PGM5: variants seen among roughly 807,000 people sequenced by gnomAD.
PGM5 encodes the protein phosphoglucomutase 5, also known as phosphoglucomutase-like protein 5.
A neutral mutation model predicts 59.2 loss-of-function variants in PGM5; 23 were observed. That is an observed-to-expected ratio of 0.39 (90% CI 0.28 to 0.55). The LOEUF (loss-of-function observed/expected upper bound fraction) is 0.55, where lower values mean the gene tolerates loss of function less well. PGM5 is among the 20% of genes least tolerant of loss of function. The pLI, the probability that PGM5 is intolerant of heterozygous loss-of-function variation, is 0.66. For synonymous variants in PGM5, 214 were observed against 286.0 expected (o/e 0.75, Z 2.54); for missense variants, 574 against 748.3 (o/e 0.77, Z 2.72).
intron 3 of PGM5, among the ~76,000 whole-genome samples, chr9:68,384,948 A>G (rs1269522740): frequency 6.6e-6 from 1 of 151,804 alleles, no homozygotes; most frequent in Non-Finnish European, 1.5e-5. Context: ...TTTCCAAGCC[A>G]TAACCAAGCT....
intron 6 of PGM5, among the ~76,000 whole-genome samples, chr9:68,438,622 GA>G (rs1339617908): frequency 6.6e-6 from 1 of 152,196 alleles, no homozygotes; most frequent in Non-Finnish European, 1.5e-5. Context: ...GCTATTTGAG[GA>G]CTCTGAAAAA....
intron 6 of PGM5, among the ~76,000 whole-genome samples, chr9:68,446,216 G>T (rs782409343): frequency 6.6e-6 from 1 of 152,196 alleles, no homozygotes; most frequent in Non-Finnish European, 1.5e-5. Context: ...TACATCCAAG[G>T]AAACCAGTTG....
chr9:68,522,422 C>T (rs1161384299), intron 10 of PGM5, among the ~76,000 whole-genome samples: 1 of 152,112 alleles, frequency 6.6e-6, no homozygotes, highest in Non-Finnish European at 1.5e-5. Context: ...GAGAAGGACC[C>T]ACCAACAAGT....
chr9:68,461,586 AT>A (rs1823859722), intron 6 of PGM5, among the ~76,000 whole-genome samples: 1 of 152,150 alleles, frequency 6.6e-6, no homozygotes, highest in Admixed American at 6.6e-5. Context: ...CTCCTTCCTC[AT>A]TAATGGCATT....
chr9:68,440,107 C>T (rs1178037227), intron 6 of PGM5, among the ~76,000 whole-genome samples: 2 of 152,126 alleles, frequency 1.3e-5, no homozygotes, highest in Non-Finnish European at 2.9e-5. Context: ...GAGAAATAGA[C>T]AAATCCATAA....
At chr9:68,414,101 C>CCT (rs1214391727) in intron 6 of PGM5, among the ~76,000 whole-genome samples, 2 of 152,192 alleles carry the variant, frequency 1.3e-5, no homozygotes, top group Non-Finnish European at 2.9e-5. Context: ...CTTCTTGCTT[C>CCT]CTCTCTCTCC....
chr9:68,387,115 A>C (rs1313416743), intron 3 of PGM5, among the ~76,000 whole-genome samples: 1 of 151,916 alleles, frequency 6.6e-6, no homozygotes, highest in Non-Finnish European at 1.5e-5. Context: ...CTAAACATTG[A>C]GATGTGTGCT....
intron 9 of PGM5, among the ~76,000 whole-genome samples, chr9:68,489,851 G>A (rs1824361163): frequency 6.6e-6 from 1 of 152,140 alleles, no homozygotes; most frequent in Non-Finnish European, 1.5e-5. Context: ...TACCAGTTAG[G>A]TGATGTGGAA....
chr9:68,400,397 G>T (rs1587793659), intron 6 of PGM5, among the ~76,000 whole-genome samples: 1 of 152,134 alleles, frequency 6.6e-6, no homozygotes, highest in South Asian at 2.1e-4. Flanking sequence ...CTGTGCCTTT[G>T]CATGCACTTC....
At chr9:68,397,740 T>C (rs1297715381) in intron 6 of PGM5, 1 of 152,160 alleles carries the variant, frequency 6.6e-6, no homozygotes, top group Admixed American at 6.5e-5. Context: ...TACTCATTGG[T>C]GGGCATCGAG....
At chr9:68,425,152 C>A (rs187350277) in intron 6 of PGM5, among the ~76,000 whole-genome samples, 22 of 152,088 alleles carry the variant, frequency 1.4e-4, no homozygotes, top group Admixed American at 1.2e-3. Context: ...TTTTACTGTT[C>A]CTTGGCAAGC....
At chr9:68,418,983 C>A (rs74943233) in intron 6 of PGM5, among the ~76,000 whole-genome samples, 3 of 152,068 alleles carry the variant, frequency 2.0e-5, no homozygotes, top group African/African-American at 7.3e-5. Flanking sequence ...TCAGGTGGCC[C>A]GTTTCAAAAT....
At chr9:68,458,302 G>A (rs1045335105) in intron 6 of PGM5, among the ~76,000 whole-genome samples, 4 of 152,152 alleles carry the variant, frequency 2.6e-5, no homozygotes, top group Non-Finnish European at 4.4e-5. Context: ...TAACTGGGAA[G>A]AGTCCTCTTC....
intron 6 of PGM5, among the ~76,000 whole-genome samples, chr9:68,420,807 C>G (rs533485779): frequency 6.6e-6 from 1 of 152,244 alleles, no homozygotes; most frequent in African/African-American, 2.4e-5. Context: ...ATTTGGATAC[C>G]TTAATCTCTC....
intron 6 of PGM5, among the ~76,000 whole-genome samples, chr9:68,420,067 T>C (rs1181488333): frequency 6.6e-6 from 1 of 152,132 alleles, no homozygotes; most frequent in Admixed American, 6.6e-5. Flanking sequence ...CAAGGTATCA[T>C]CAAGCTGAAA....
chr9:68,405,220 CT>C (rs1198242065), intron 6 of PGM5: 1 of 152,240 alleles, frequency 6.6e-6, no homozygotes, highest in East Asian at 1.9e-4. Flanking sequence ...ATGGGATAGA[CT>C]GACAGTCTTA....
At chr9:68,442,294 T>C (rs1554683737) in intron 6 of PGM5, among the ~76,000 whole-genome samples, 1 of 145,058 alleles carries the variant, frequency 6.9e-6, no homozygotes, top group Non-Finnish European at 1.5e-5. Flanking sequence ...ATTTTTTTCT[T>C]TTTTTTTGAG....
Position 68,450,945 on chromosome 9 carries a change from A to T in PGM5, c.1044-14148A>T, listed in dbSNP as rs969428634. On this transcript the variant is annotated intron_variant, in intron 6 of 10. Transcript: ENST00000396396. ...AAATTTGTAGAACCTTATGAAAGCA[A>T]AAACAAGATATGCAGAATATTGTAG... Among the ~76,000 whole-genome samples the T allele has an allele frequency of 4.6e-5, 7 of 152,252 alleles. No homozygotes were observed. In the East Asian group the frequency reaches 1.2e-3, roughly 25 times the overall value.
chr9:68,381,046 A>C (rs1822060008), intron 2 of PGM5, among the ~76,000 whole-genome samples: 1 of 151,928 alleles, frequency 6.6e-6, no homozygotes, highest in African/African-American at 2.4e-5. Context: ...CTCTTCCAAA[A>C]ATTAGAGCTA....
Sources: gnomAD v4.1 joint callset for allele counts (sites outside exome capture counted in the v4.1 genomes callset) on GRCh38, gnomAD v4.1.1 for gene constraint, MANE v1.5 for transcripts, NCBI Gene and HGNC (gene_info 2026-07-23, HGNC 2026-07-21) for gene names.